The following SERINC2 variants were observed in gnomAD, a reference collection of about 807,000 sequenced individuals.
SERINC2 encodes tumor differentially expressed protein 2.
In SERINC2, 56 loss-of-function variants were observed where a neutral mutation model predicts 54.2. The observed-to-expected ratio is 1.03, with a 90% CI of 0.83 to 1.29. The LOEUF is 1.29. Among genes scored for constraint, SERINC2 ranks in the 50% most tolerant of loss-of-function variants. The pLI is 0.00. For missense variants in SERINC2, 614 were observed against 607.4 expected (o/e 1.01, Z -0.12); for synonymous variants, 272 against 253.1 (o/e 1.07, Z -0.71).
intron 4 of SERINC2, 24 bp downstream of exon 4, chr1:31,425,433 T>C: frequency 6.7e-7 from 1 of 1,496,234 alleles, no homozygotes; most frequent in South Asian, 1.1e-5. Context: ...GCAGGAGGCA[T>C]GGGGGGCTGT....
chr1:31,431,365 A>AATCCTCC (rs1641193374), intron 8 of SERINC2, among the ~76,000 whole-genome samples: 1 of 150,216 alleles, frequency 6.7e-6, no homozygotes, highest in Non-Finnish European at 1.5e-5. Context: ...TGGCCCAAGC[A>AATCCTCC]ATCCTCCTAC....
chr1:31,414,238 G>T, intron 1 of SERINC2: 1 of 1,346,704 alleles, frequency 7.4e-7, no homozygotes, highest in Non-Finnish European at 9.5e-7. Context: ...GACCCCGGCT[G>T]GGAGGCCCGT....
At chr1:31,424,648 G>A (rs782184981) in intron 2 of SERINC2, 35 bp from the exon 3 acceptor site, 3 of 1,527,122 alleles carry the variant, frequency 2.0e-6, no homozygotes, top group East Asian at 2.4e-5. Context: ...TCTGTGAGAG[G>A]TGGGGCTTTG....
Position 31,413,422 on chromosome 1 carries a change from C to A in SERINC2, c.39+118C>A. ...TTTTCCTTCCTGCAAACTTGTCTTT[C>A]TGGGCCGGTGCCCCGCCTGCTCGCC... On this transcript the variant is annotated intron_variant, in intron 1 of 9. Transcript: ENST00000373709. The surrounding 1 kb of genome is among the most constrained non-coding windows in gnomAD (Gnocchi z 5.0). The A allele has an allele frequency of 1.9e-6, 1 of 515,366 alleles. No homozygotes were observed. The highest frequency in any genetic ancestry group is 2.9e-6 in the Non-Finnish European group (1 of 350,366). The allele number at this position is 515,366 out of a possible 1,614,324, so 31.9% of individuals were successfully genotyped here. A position where few individuals can be genotyped will look rare whatever the true frequency, so the allele number is the denominator to read the frequency against.
intron 9 of SERINC2, 85 bp from the exon 10 acceptor site, chr1:31,433,979 G>C: frequency 2.1e-6 from 3 of 1,411,828 alleles, no homozygotes; most frequent in Non-Finnish European, 3.0e-6. Flanking sequence ...GAAGTCAGGG[G>C]TCATAACTGG....
chr1:31,429,609 GGGA>G, intron 8 of SERINC2, 71 bp downstream of exon 8: 1 of 1,490,822 alleles, frequency 6.7e-7, no homozygotes, highest in Non-Finnish European at 9.1e-7. Flanking sequence ...GGGAGGGTGT[GGGA>G]GCCAGGATAC....
Position 31,429,500 on chromosome 1 carries a change from G to A in SERINC2, c.975G>A (p.Val325=). 6.2e-7 allele frequency: 1 copy of A among 1,613,524 alleles called. No homozygotes were observed. The highest frequency in any genetic ancestry group is 8.5e-7 in the Non-Finnish European group (1 of 1,179,700). ...AGTGGTGGGATGCCCCGAGCATTGT[G>A]GGCCTCATCATCTTCCTCCTGTGCA... is the stretch of plus-strand genomic sequence containing the variant. ...ETQWWDAPSI[V]GLIIFLLCTL... The change falls in exon 8 of 10, where the codon GTG becomes GTA. Residue 325 remains valine, a synonymous_variant. Transcript: ENST00000373709.
rs552517858 is a variant in SERINC2 at position 31,422,577 on chromosome 1, C to T, written c.40-1116C>T. ...GGCAGTGGGTACGTGTCCTTCTTAGCGCTTGTCACGATGTGAGTCATGATT... is the reference window on the plus strand; with the variant it reads ...GGCAGTGGGTACGTGTCCTTCTTAGTGCTTGTCACGATGTGAGTCATGATT... On this transcript the variant is annotated intron_variant, in intron 1 of 9. Coordinates refer to ENST00000373709, the MANE Select transcript of SERINC2 (RefSeq NM_178865.5). 1.1e-4 allele frequency among the ~76,000 whole-genome samples: 17 copies of T among 152,230 alleles called. 1 individual carries two copies. In the South Asian group the frequency reaches 3.1e-3, roughly 28 times the overall value.
chr1:31,426,402 C>A (rs1287294521), intron 5 of SERINC2, among the ~76,000 whole-genome samples: 1 of 152,188 alleles, frequency 6.6e-6, no homozygotes, highest in African/African-American at 2.4e-5. Flanking sequence ...TCAGTTTTTG[C>A]AAGACTGTTT....
intron 5 of SERINC2, 89 bp downstream of exon 5, chr1:31,426,002 T>C (rs1353899669): frequency 1.4e-6 from 2 of 1,410,238 alleles, no homozygotes; most frequent in South Asian, 1.3e-5. Flanking sequence ...TGAAGCTAGA[T>C]AAAACTGGGG....
chr1:31,431,561 A>G (rs1244012721), intron 8 of SERINC2, among the ~76,000 whole-genome samples: 2 of 152,238 alleles, frequency 1.3e-5, no homozygotes, highest in Non-Finnish European at 2.9e-5. Context: ...GACCTGGCAC[A>G]GCTGTTTTTC....
upstream of SERINC2, among the ~76,000 whole-genome samples, chr1:31,412,056 G>A (rs954030158): frequency 4.6e-5 from 7 of 151,602 alleles, no homozygotes; most frequent in Non-Finnish European, 8.8e-5. Flanking sequence ...GCAAAAGTGC[G>A]GAGGAGGAAA....
At chr1:31,433,591 G>C (rs1216500351) in intron 9 of SERINC2, among the ~76,000 whole-genome samples, 3 of 152,176 alleles carry the variant, frequency 2.0e-5, no homozygotes, top group Admixed American at 2.0e-4. Context: ...TGGTCATTTA[G>C]TGTCACAAAT....
intron 4 of SERINC2, 61 bp from the exon 5 acceptor site, chr1:31,425,715 T>G: frequency 6.3e-7 from 1 of 1,581,652 alleles, no homozygotes; most frequent in Admixed American, 1.7e-5. Flanking sequence ...AGAAAACGCT[T>G]GTTGAACGAG....
intron 8 of SERINC2, 136 bp downstream of exon 8, chr1:31,429,674 G>A (rs782383530): frequency 3.8e-5 from 38 of 1,003,520 alleles, no homozygotes; most frequent in South Asian, 1.6e-4. Flanking sequence ...TGCATTGTGC[G>A]GGAGGGGAAA....
chr1:31,417,967 T>G (rs548173920), intron 1 of SERINC2, among the ~76,000 whole-genome samples: 1 of 148,984 alleles, frequency 6.7e-6, no homozygotes, highest in South Asian at 2.2e-4. Context: ...AGCAATTCTC[T>G]TGCCTCAGCC....
In SERINC2 at chr1:31,433,042, A is replaced by ACAC; in HGVS notation, c.1091_1092insCCA (p.Thr363_Gln364insHis). 1 of 1,457,282 alleles carries ACAC rather than the reference A, an allele frequency of 6.9e-7. No homozygotes were observed. Among genetic ancestry groups the ACAC allele is most frequent in the Non-Finnish European group, 9.5e-7 (1 of 1,051,860 alleles). The allele number at this position is 1,457,282 out of a possible 1,614,324, so 90.3% of individuals were successfully genotyped here. A position where few individuals can be genotyped will look rare whatever the true frequency, so the allele number is the denominator to read the frequency against. On this transcript the variant is annotated inframe_insertion, in exon 9 of 10. Coordinates refer to ENST00000373709, the MANE Select transcript of SERINC2 (RefSeq NM_178865.5). ...AGTGCCCACCTATGCTAGACGCCACACAGCAGCAGCAGCAGGTGGCAGCCT... is the reference window on the plus strand; with the variant it reads ...AGTGCCCACCTATGCTAGACGCCACACACCAGCAGCAGCAGCAGGTGGCAGCCT...
intron 8 of SERINC2, among the ~76,000 whole-genome samples, chr1:31,431,776 A>ATAGGGTGG (rs1641214066): frequency 3.2e-4 from 2 of 6,288 alleles, no homozygotes; most frequent in Non-Finnish European, 1.1e-3. Flanking sequence ...GGAGAGGGTG[A>ATAGGGTGG]ATAGGGTGGA....
At chr1:31,414,240 G>C (rs1316759161) in intron 1 of SERINC2, 1 of 1,345,398 alleles carries the variant, frequency 7.4e-7, no homozygotes, top group South Asian at 1.9e-5. Context: ...CCCCGGCTGG[G>C]AGGCCCGTTC....
Sources: allele counts gnomAD v4.1 joint callset (sites outside exome capture counted in the v4.1 genomes callset), GRCh38; gene constraint gnomAD v4.1.1; non-coding constraint Gnocchi (gnomAD v3.1); transcripts MANE v1.5; gene names NCBI Gene and HGNC (gene_info 2026-07-23, HGNC 2026-07-21).